PRIM2: variants seen among roughly 807,000 people sequenced by gnomAD.
PRIM2 encodes DNA primase large subunit.
A neutral mutation model predicts 67.3 loss-of-function variants in PRIM2; 39 were observed. The observed-to-expected ratio is 0.58, with a 90% CI of 0.45 to 0.76. The LOEUF is 0.76. PRIM2 is among the 30% of genes least tolerant of loss of function. The pLI is 0.00. For missense variants in PRIM2, 398 were observed against 598.7 expected (o/e 0.66, Z 3.50); for synonymous variants, 143 against 198.7 (o/e 0.72, Z 2.36).
Position 57,350,875 on chromosome 6 carries a change from G to T in PRIM2, c.459+24830G>T, listed in dbSNP as rs1041378481. On this transcript the variant is annotated intron_variant, in intron 5 of 13. Coordinates refer to ENST00000615550, the MANE Select transcript of PRIM2 (RefSeq NM_000947.5). ...ATACCATCTCCTTTTTTTATTTCAAGGAAATGTGCTCATGTATTTTCCACA... is the reference window on the plus strand; with the variant it reads ...ATACCATCTCCTTTTTTTATTTCAATGAAATGTGCTCATGTATTTTCCACA... Among the ~76,000 whole-genome samples the T allele has an allele frequency of 2.6e-5, 4 of 151,702 alleles. No individual in the cohort carries two copies. The East Asian group carries it at 7.7e-4, about 29-fold the overall frequency.
chr6:57,449,687 A>C (rs1772476263), intron 7 of PRIM2, among the ~76,000 whole-genome samples: 1 of 152,220 alleles, frequency 6.6e-6, no homozygotes, highest in Non-Finnish European at 1.5e-5. Context: ...GTAATCACTA[A>C]GCAAAGGAGT....
chr6:57,430,112 GA>G (rs1279642322), intron 7 of PRIM2, among the ~76,000 whole-genome samples: 22 of 152,122 alleles, frequency 1.4e-4, no homozygotes, highest in African/African-American at 5.3e-4. Flanking sequence ...TAGGGACTGT[GA>G]ATTGTTAGTT....
chr6:57,259,485 T>C, the PRIM2 span, among the ~76,000 whole-genome samples: 1 of 152,170 alleles, frequency 6.6e-6, no homozygotes, highest in East Asian at 1.9e-4. Flanking sequence ...CTGAGACTAA[T>C]GTCAAAGAGC....
intron 7 of PRIM2, among the ~76,000 whole-genome samples, chr6:57,451,695 C>T (rs1246656487): frequency 6.6e-6 from 1 of 151,812 alleles, no homozygotes; most frequent in Non-Finnish European, 1.5e-5. Flanking sequence ...CCATAGGCCA[C>T]GTGATCTCTT....
At chr6:57,239,241 T>G in the PRIM2 span, among the ~76,000 whole-genome samples, 1 of 152,324 alleles carries the variant, frequency 6.6e-6, no homozygotes, top group South Asian at 2.1e-4. Flanking sequence ...TCAGCCTGAC[T>G]TGGCCTCCCA....
At chr6:57,627,232 A>G (rs1486238245) in intron 12 of PRIM2, among the ~76,000 whole-genome samples, 13 of 117,116 alleles carry the variant, frequency 1.1e-4, no homozygotes, top group Non-Finnish European at 2.0e-4. Flanking sequence ...GTGAGCCGAG[A>G]TTGCGCCGCT....
intron 4 of PRIM2, among the ~76,000 whole-genome samples, chr6:57,325,556 G>T (rs1249615230): frequency 6.6e-6 from 1 of 151,996 alleles, no homozygotes; most frequent in Non-Finnish European, 1.5e-5. Context: ...GACCTCCCAA[G>T]GTGCTGGGAT....
chr6:57,487,873 CA>C (rs1773790188), intron 7 of PRIM2, among the ~76,000 whole-genome samples: 1 of 152,140 alleles, frequency 6.6e-6, no homozygotes, highest in Admixed American at 6.6e-5. Context: ...TAGCTTTTAG[CA>C]CATAGTCCAT....
intron 5 of PRIM2, among the ~76,000 whole-genome samples, chr6:57,345,392 C>T (rs1359119655): frequency 6.6e-6 from 1 of 151,648 alleles, no homozygotes; most frequent in East Asian, 1.9e-4. Context: ...GTCTCAAACT[C>T]CTGGCTTCAA....
chr6:57,482,084 A>G (rs1773642202), intron 7 of PRIM2, among the ~76,000 whole-genome samples: 1 of 152,194 alleles, frequency 6.6e-6, no homozygotes, highest in Admixed American at 6.5e-5. Context: ...ATGGAAAGAA[A>G]AAGTAAGATG....
chr6:57,381,788 A>T (rs1769966853), intron 6 of PRIM2, among the ~76,000 whole-genome samples: 1 of 152,214 alleles, frequency 6.6e-6, no homozygotes, highest in Non-Finnish European at 1.5e-5. Context: ...AAAAGTAAGC[A>T]TTCCAACTTG....
chr6:57,358,822 G>T (rs1322791514), intron 5 of PRIM2, among the ~76,000 whole-genome samples: 1 of 152,114 alleles, frequency 6.6e-6, no homozygotes, highest in African/African-American at 2.4e-5. Context: ...TGCCTCCCAG[G>T]AGATCATCTT....
intron 5 of PRIM2, among the ~76,000 whole-genome samples, chr6:57,336,479 A>C (rs1312566774): frequency 6.6e-6 from 1 of 152,360 alleles, no homozygotes; most frequent in African/African-American, 2.4e-5. Context: ...GTTACCCTCA[A>C]AGGGAAGCCC....
upstream of PRIM2, among the ~76,000 whole-genome samples, chr6:57,315,295 A>AT (rs1767458574): frequency 2.0e-5 from 3 of 152,238 alleles, no homozygotes; most frequent in South Asian, 6.2e-4. Context: ...GTGTAGGTGC[A>AT]TTTTTCTGAA....
chr6:57,328,522 G>C (rs753516653), intron 5 of PRIM2, among the ~76,000 whole-genome samples: 11 of 152,182 alleles, frequency 7.2e-5, no homozygotes, highest in Non-Finnish European at 1.5e-4. Flanking sequence ...GAATGTATCA[G>C]TATTAATTTT....
chr6:57,523,021 A>G (rs1290187131), intron 8 of PRIM2, among the ~76,000 whole-genome samples: 79 of 152,236 alleles, frequency 5.2e-4, no homozygotes, highest in Admixed American at 4.6e-4. Flanking sequence ...ATGTGATAGT[A>G]TGAAGAAGGT....
At chr6:57,509,265 G>T (rs1375547016) in intron 8 of PRIM2, among the ~76,000 whole-genome samples, 2 of 151,734 alleles carry the variant, frequency 1.3e-5, no homozygotes, top group African/African-American at 4.8e-5. Context: ...TTTCAGCAGG[G>T]ACTGAATAGC....
the PRIM2 span, among the ~76,000 whole-genome samples, chr6:57,260,586 TG>T: frequency 6.6e-6 from 1 of 152,250 alleles, no homozygotes; most frequent in Non-Finnish European, 1.5e-5. Flanking sequence ...GTTTGTTTTT[TG>T]GTCTCCAATC....
At chr6:57,394,564 G>A (rs1770457942) in intron 7 of PRIM2, among the ~76,000 whole-genome samples, 1 of 152,108 alleles carries the variant, frequency 6.6e-6, no homozygotes, top group Admixed American at 6.6e-5. Flanking sequence ...GGAGCTTTCT[G>A]GAGGAGTCCT....
Sources: gnomAD v4.1 joint callset for allele counts (sites outside exome capture counted in the v4.1 genomes callset) on GRCh38, gnomAD v4.1.1 for gene constraint, MANE v1.5 for transcripts, NCBI Gene and HGNC (gene_info 2026-07-23, HGNC 2026-07-21) for gene names.